CFAP46: variants seen among roughly 807,000 people sequenced by gnomAD.
CFAP46 encodes cilia and flagella associated protein 46, also known as cilia- and flagella-associated protein 46.
Under a neutral mutation model 325.7 loss-of-function variants are expected in CFAP46, and 245 were observed. The ratio of observed to expected loss-of-function variants is 0.75; its 90% confidence interval spans 0.68 to 0.84. CFAP46 has a LOEUF of 0.84. Among genes scored for constraint, CFAP46 ranks in the 40% least tolerant of loss-of-function variants. The probability of loss-of-function intolerance (pLI) is 0.00; values close to 1 mark genes in which losing one functional copy is unlikely to be tolerated. For synonymous variants in CFAP46, 1,523 were observed against 1,495.9 expected (o/e 1.02, Z -0.42); for missense variants, 3,346 against 3,543.0 (o/e 0.94, Z 1.41).
At chr10:132,909,866 C>G in intron 20 of CFAP46, 53 bp downstream of exon 20, 1 of 1,360,532 alleles carries the variant, frequency 7.4e-7, no homozygotes, top group Non-Finnish European at 9.4e-7. Flanking sequence ...TGTCTCAGAT[C>G]TCTATGTCCA....
intron 31 of CFAP46, among the ~76,000 whole-genome samples, chr10:132,873,151 T>A (rs986879997): frequency 1.3e-5 from 2 of 152,238 alleles, no homozygotes; most frequent in Non-Finnish European, 2.9e-5. Flanking sequence ...AACTACTGAC[T>A]CATTAGAGAC....
chr10:132,926,382 G>A (rs567473445), intron 10 of CFAP46, among the ~76,000 whole-genome samples, 186 bp downstream of exon 10: 12 of 152,126 alleles, frequency 7.9e-5, no homozygotes, highest in Non-Finnish European at 1.3e-4. Context: ...GCCCCTGTGC[G>A]CAGGACAGGG....
intron 8 of CFAP46, 36 bp from the exon 9 acceptor site, chr10:132,929,840 A>G: frequency 6.6e-7 from 1 of 1,507,896 alleles, no homozygotes; most frequent in South Asian, 1.2e-5. Context: ...CCGGCTCAAT[A>G]GGGGGCACAG....
rs897481371 is a variant in CFAP46 at position 132,859,707 on chromosome 10, G to T, written c.5199-460C>A. Among the ~76,000 whole-genome samples, 4 of 152,210 alleles carry T rather than the reference G, an allele frequency of 2.6e-5. No individual in the cohort carries two copies. In the South Asian group the frequency reaches 8.3e-4, roughly 31 times the overall value. On this transcript the variant is annotated intron_variant, in intron 37 of 57. Coordinates refer to ENST00000368586, the MANE Select transcript of CFAP46 (RefSeq NM_001200049.3). ...GGCCCTGGGCTGCCCTCGCGCCAAT[G>T]CAGGGAGCTCCACAAAGATGAAGCA...
chr10:132,906,794 G>A (rs184016902), intron 22 of CFAP46, among the ~76,000 whole-genome samples: 2 of 135,072 alleles, frequency 1.5e-5, no homozygotes, highest in East Asian at 2.1e-4. Flanking sequence ...GTCCTGGCGC[G>A]TGATGCCCCA....
chr10:132,850,400 G>A lies in CFAP46; in HGVS notation c.5796C>T (p.His1932=), dbSNP rs759904251. 12 of 1,579,022 alleles carry A rather than the reference G, an allele frequency of 7.6e-6. No homozygotes were observed. In the Middle Eastern group the frequency reaches 5.0e-4, roughly 66 times the overall value. The part of the protein sequence containing the change: ...QWFTLKRTLA[H]GALAQLGSLQ... ...GGCTCCCCAGCTGTGCCAGTGCCCC[G>A]TGTGCTAGAGTCCGCTTCAGCGTGA... The change falls in exon 41 of 58, where the codon CAC becomes CAT. Residue 1932 remains histidine (H), a synonymous_variant. Transcript: ENST00000368586.
rs1329733522 is a variant in CFAP46 at position 132,808,987 on chromosome 10, A to C, written c.7665-83T>G. The C allele has an allele frequency of 5.8e-6, 8 of 1,369,378 alleles. No individual in the cohort carries two copies. Among genetic ancestry groups the C allele is most frequent in the Non-Finnish European group, 6.9e-6 (7 of 1,020,354 alleles). The allele number at this position is 1,369,378 out of a possible 1,614,324, so 84.8% of individuals were successfully genotyped here. On this transcript the variant is annotated intron_variant, in intron 57 of 57. Coordinates refer to ENST00000368586, the MANE Select transcript of CFAP46 (RefSeq NM_001200049.3). The surrounding 1 kb of genome is among the most constrained non-coding windows in gnomAD (Gnocchi z 6.8). ...GTGAGGACCAGGGCACAGGGGCGGG[A>C]AGTGGCAGCTGCTCCAACTGAGGGC...
chr10:132,863,582 C>T (rs1341377703), intron 35 of CFAP46, among the ~76,000 whole-genome samples: 1 of 149,990 alleles, frequency 6.7e-6, no homozygotes, highest in African/African-American at 2.5e-5. Context: ...CACCTCTCCT[C>T]ACTGCCTGAG....
chr10:132,876,429 C>A lies in CFAP46; in HGVS notation c.4362+383G>T, dbSNP rs1591066677. Among the ~76,000 whole-genome samples the A allele has an allele frequency of 2.0e-5, 3 of 152,340 alleles. No individual in the cohort carries two copies. On this transcript the variant is annotated intron_variant, in intron 31 of 57. Transcript: ENST00000368586. This position sits in a 1 kb window ranked among gnomAD's most constrained non-coding sequence, Gnocchi z 4.1. ...GAGGAAAGAGGGATCTTCCCCGGCC[C>A]CTTTGGAGGGTGTGCCACCCTCCCG... is the stretch of plus-strand genomic sequence containing the variant.
In CFAP46 at chr10:132,860,941, G is replaced by C; in HGVS notation, c.4932C>G (p.Leu1644=). The part of the protein sequence containing the change: ...EPCAEAQCLL[L]LAQLANKEKN... ...TCTCCTTGTTGGCCAACTGTGCGAG[G>C]AGGAGCAGGCACTGGGCCTCTGCAC... Residue 1644 remains leucine, a synonymous_variant, in exon 36 of 58, where the codon CTC becomes CTG. Coordinates refer to ENST00000368586, the MANE Select transcript of CFAP46 (RefSeq NM_001200049.3). 6.4e-7 allele frequency: 1 copy of C among 1,550,726 alleles called. No individual in the cohort carries two copies. Among genetic ancestry groups the C allele is most frequent in the Non-Finnish European group, 8.7e-7 (1 of 1,147,042 alleles).
intron 2 of CFAP46, 116 bp downstream of exon 2, chr10:132,941,864 G>T: frequency 7.3e-6 from 11 of 1,509,386 alleles, no homozygotes; most frequent in Non-Finnish European, 8.9e-6. Flanking sequence ...CTGGCCCCTT[G>T]ACTGCCCGGC....
In CFAP46 at chr10:132,926,621, C is replaced by G; in HGVS notation, c.1012G>C (p.Glu338Gln). Reference protein sequence around the residue: ...IEMECLECESEALRLESKMKV... With the variant: ...IEMECLECESQALRLESKMKV... ...ATCTTACTTTCAAGTCTTAAAGCTT[C>G]CGATTCACACTCCAGACATTCCATT... The change falls in exon 10 of 58, where the codon GAA (glutamate) becomes CAA (glutamine). Residue 338 changes from glutamate to glutamine, a missense_variant. Coordinates refer to ENST00000368586, the MANE Select transcript of CFAP46 (RefSeq NM_001200049.3). The G allele has an allele frequency of 1.3e-6, 2 of 1,536,290 alleles. No individual in the cohort carries two copies. The highest frequency in any genetic ancestry group is 1.7e-6 in the Non-Finnish European group (2 of 1,146,956).
intron 29 of CFAP46, among the ~76,000 whole-genome samples, chr10:132,878,764 C>CA (rs1402687653): frequency 6.6e-6 from 1 of 152,180 alleles, no homozygotes; most frequent in Non-Finnish European, 1.5e-5. Flanking sequence ...CACGGCTGGG[C>CA]GGTGGCCCTC....
chr10:132,881,007 A>G lies in CFAP46; in HGVS notation c.3653T>C (p.Val1218Ala), dbSNP rs1726787088. The change falls in exon 28 of 58, where the codon GTG becomes GCG. Residue 1218 changes from valine (V) to alanine (A), a missense_variant. Coordinates refer to ENST00000368586, the MANE Select transcript of CFAP46 (RefSeq NM_001200049.3). ...CTGGCCGAACTCCATGAGGTACTCC[A>G]CCTTCTGCCACTCCATCTCAGGCTT... Reference protein sequence around the residue: ...LQKPEMEWQKVEYLMEFGQWL... With the variant: ...LQKPEMEWQKAEYLMEFGQWL... The G allele has an allele frequency of 3.2e-6, 5 of 1,550,328 alleles. No homozygotes were observed. The Admixed American group carries it at 9.8e-5, about 30-fold the overall frequency.
chr10:132,909,153 A>G lies in CFAP46; in HGVS notation c.2741T>C (p.Val914Ala), dbSNP rs1849503065. The change falls in exon 21 of 58, where the codon GTC becomes GCC. Residue 914 changes from valine to alanine, a missense_variant. Val to Ala is a moderately conservative substitution (Grantham distance 64). Transcript: ENST00000368586. ...GACACCTACCTGGGCCAGGGAGGGG[A>G]CAGTGAAGTCCATGAGGCCCAGCCC... ...CNGLGLMDFT[V>A]PSLAQLVKMA... The G allele has an allele frequency of 6.5e-7, 1 of 1,549,254 alleles. No homozygotes were observed.
intron 13 of CFAP46, among the ~76,000 whole-genome samples, chr10:132,920,513 G>A (rs1380267901): frequency 2.0e-5 from 3 of 152,214 alleles, no homozygotes; most frequent in East Asian, 3.9e-4. Flanking sequence ...CCCGGCCTCA[G>A]ACTCCCGAGC....
At chr10:132,878,574 G>A (rs867584524) in intron 29 of CFAP46, among the ~76,000 whole-genome samples, 6 of 152,218 alleles carry the variant, frequency 3.9e-5, no homozygotes, top group Non-Finnish European at 5.9e-5. Flanking sequence ...GAATGAGTTC[G>A]AGGTCTCTAA....
intron 50 of CFAP46, among the ~76,000 whole-genome samples, chr10:132,816,554 A>C (rs1847699478): frequency 6.6e-6 from 1 of 151,594 alleles, no homozygotes; most frequent in South Asian, 2.1e-4. Flanking sequence ...GATGGTCTCG[A>C]TCTCCTGACC....
chr10:132,920,716 G>C (rs934544148), intron 13 of CFAP46, among the ~76,000 whole-genome samples: 1 of 152,180 alleles, frequency 6.6e-6, no homozygotes, highest in East Asian at 1.9e-4. Context: ...CCACCCTCTC[G>C]GCCAGCACAG....
Sources: allele counts gnomAD v4.1 joint callset (sites outside exome capture counted in the v4.1 genomes callset), GRCh38; gene constraint gnomAD v4.1.1; non-coding constraint Gnocchi (gnomAD v3.1); transcripts MANE v1.5; gene names NCBI Gene and HGNC (gene_info 2026-07-23, HGNC 2026-07-21).